Variants in SPAG11B observed in about 807,000 individuals in gnomAD.
The protein encoded by SPAG11B is sperm-associated antigen 11B.
In SPAG11B, 5 loss-of-function variants were observed where a neutral mutation model predicts 8.9. That is an observed-to-expected ratio of 0.56 (90% CI 0.29 to 1.19). SPAG11B has a LOEUF of 1.19. SPAG11B is among the 50% of genes most tolerant of loss of function. SPAG11B has a pLI of 0.08. For synonymous variants in SPAG11B, 12 were observed against 53.0 expected, an observed-to-expected ratio of 0.23 and a Z score of 3.36; for missense variants, 38 against 146.4, an observed-to-expected ratio of 0.26 and a Z score of 3.82.
rs1204314367 is a variant in SPAG11B at position 7,452,827 on chromosome 8, A to G, written c.215-1927T>C. Among the ~76,000 whole-genome samples, 35 of 99,808 alleles carry G rather than the reference A, an allele frequency of 3.5e-4. No homozygotes were observed. In the South Asian group the frequency reaches 0.012, roughly 34 times the overall value. 65.5% of individuals were successfully genotyped at this position (99,808 alleles called of 152,430 possible). A position where few individuals can be genotyped will look rare whatever the true frequency, so the allele number is the denominator to read the frequency against. On this transcript the variant is annotated intron_variant, in intron 2 of 2. Coordinates refer to ENST00000398462, the MANE Select transcript of SPAG11B (RefSeq NM_058201.4). ...ATTGTAGCACATTTCCTTGCAGCCAAGAGAATGCAACCAAATAGTGTATTA... is the reference window on the plus strand; with the variant it reads ...ATTGTAGCACATTTCCTTGCAGCCAGGAGAATGCAACCAAATAGTGTATTA...
chr8:7,458,860 T>C (rs1216132271), intron 2 of SPAG11B, among the ~76,000 whole-genome samples: 14 of 95,456 alleles, frequency 1.5e-4, no homozygotes, highest in African/African-American at 7.6e-4. Context: ...GGAAAGAATA[T>C]GTAAGGTTAG....
chr8:7,452,709 G>A (rs1352677048), intron 2 of SPAG11B, among the ~76,000 whole-genome samples: 120 of 70,036 alleles, frequency 1.7e-3, no homozygotes, highest in Non-Finnish European at 2.6e-3. Flanking sequence ...CCACAGTTGA[G>A]CAGATAATTA....
At chr8:7,459,218 C>CA (rs1183092233) in intron 2 of SPAG11B, among the ~76,000 whole-genome samples, 1 of 1,514 alleles carries the variant, frequency 6.6e-4, no homozygotes, top group African/African-American at 2.8e-3. Context: ...AACTCTGTCT[C>CA]AAAAAAAAAA....
At chr8:7,450,958 A>G in intron 2 of SPAG11B, 58 bp from the exon 3 acceptor site, 3 of 1,538,468 alleles carry the variant, frequency 1.9e-6, no homozygotes, top group Non-Finnish European at 2.6e-6. Context: ...AGAATAGAAG[A>G]TGACCCCAGC....
At chr8:7,457,089 T>A (rs1367418185) in intron 2 of SPAG11B, among the ~76,000 whole-genome samples, 1 of 139,874 alleles carries the variant, frequency 7.1e-6, no homozygotes, top group Non-Finnish European at 1.5e-5. Flanking sequence ...TGTCATATCA[T>A]CTTTTTATAA....
intron 2 of SPAG11B, among the ~76,000 whole-genome samples, chr8:7,458,926 C>T (rs1412354251): frequency 7.0e-5 from 6 of 85,396 alleles, no homozygotes; most frequent in African/African-American, 1.3e-4. Flanking sequence ...TGGCCGGGCG[C>T]GGTGGCTCAC....
chr8:7,458,412 A>G (rs1810574413), intron 2 of SPAG11B, among the ~76,000 whole-genome samples: 1 of 32,638 alleles, frequency 3.1e-5, no homozygotes, highest in African/African-American at 1.5e-4. Flanking sequence ...GTGTAAAACT[A>G]GCAGAAGTGA....
At chr8:7,448,378 G>C (rs1279603301), downstream of SPAG11B, among the ~76,000 whole-genome samples, 1 of 151,806 alleles carries the variant, frequency 6.6e-6, no homozygotes, top group Non-Finnish European at 1.5e-5. Context: ...CGCGTGGTAG[G>C]TGTTGGTATT....
At chr8:7,458,556 T>G (rs1300779311) in intron 2 of SPAG11B, among the ~76,000 whole-genome samples, 2 of 48,782 alleles carry the variant, frequency 4.1e-5, no homozygotes, top group East Asian at 6.9e-4. Flanking sequence ...GTCAGCAAAA[T>G]GAGAATTAGA....
intron 2 of SPAG11B, among the ~76,000 whole-genome samples, chr8:7,454,097 A>G (rs1210089066): frequency 1.7e-5 from 2 of 119,682 alleles, no homozygotes; most frequent in Non-Finnish European, 3.4e-5. Flanking sequence ...AAAAAAAAAA[A>G]AAGAAAGAAA....
In SPAG11B at chr8:7,451,260, G is replaced by A. The variant is rs1406848653; in HGVS notation, c.215-360C>T. The A allele has an allele frequency of 1.7e-5, 22 of 1,259,674 alleles. 3 individuals are homozygous for A. The African/African-American group carries it at 3.8e-4, about 22-fold the overall frequency. The allele number at this position is 1,259,674 out of a possible 1,614,324, so 78.0% of individuals were successfully genotyped here. A position where few individuals can be genotyped will look rare whatever the true frequency, so the allele number is the denominator to read the frequency against. The stretch of plus-strand genomic sequence containing the variant: ...GTGGTCCAGAATAGGACAGGTCTTG[G>A]TCTCTAAGGAAATTAAAGGTATTAA... On this transcript the variant is annotated intron_variant, in intron 2 of 2. Transcript: ENST00000398462.
chr8:7,451,003 A>G (rs1810110144), intron 2 of SPAG11B, 103 bp from the exon 3 acceptor site: 1 of 1,520,112 alleles, frequency 6.6e-7, no homozygotes, highest in South Asian at 1.2e-5. Context: ...GACAAGGCTA[A>G]GTACTTTTGG....
intron 2 of SPAG11B, among the ~76,000 whole-genome samples, chr8:7,451,794 T>A (rs565054842): frequency 3.3e-5 from 5 of 151,914 alleles, no homozygotes; most frequent in African/African-American, 1.2e-4. Flanking sequence ...AGCTTGCCCA[T>A]CTGTAAAATG....
At chr8:7,450,570 A>T (rs1447144423), downstream of SPAG11B, 1 of 1,424,214 alleles carries the variant, frequency 7.0e-7, no homozygotes, top group East Asian at 2.5e-5. Context: ...GAAGTAAGGA[A>T]GTTAAAAAAA....
rs762038763 is a variant in SPAG11B at position 7,450,868 on chromosome 8, A to G, written c.247T>C (p.Cys83Arg). Residue 83 changes from cysteine to arginine, a missense_variant, in exon 3 of 3, where the codon TGC becomes CGC. Transcript: ENST00000398462. ...DVPPGIRNTI[C>R]HMQQGICRLF... Reference sequence around the variant, plus strand: ...CTGCAGATCCCTTGCTGCATATGGCAGATGGTATTTCTAATTCCCGGTGGA... The same window carrying G: ...CTGCAGATCCCTTGCTGCATATGGCGGATGGTATTTCTAATTCCCGGTGGA... The G allele has an allele frequency of 2.2e-5, 34 of 1,551,302 alleles. 1 individual carries two copies. The highest frequency in any genetic ancestry group is 2.8e-5 in the Non-Finnish European group (32 of 1,140,500).
At chr8:7,451,906 GT>G (rs1289761969) in intron 2 of SPAG11B, among the ~76,000 whole-genome samples, 2 of 144,906 alleles carry the variant, frequency 1.4e-5, no homozygotes, top group African/African-American at 2.6e-5. Context: ...CTGGACTTTG[GT>G]TTTCTTTTTG....
At chr8:7,459,464 G>C (rs1375644134) in intron 2 of SPAG11B, among the ~76,000 whole-genome samples, 3 of 147,230 alleles carry the variant, frequency 2.0e-5, no homozygotes, top group Non-Finnish European at 4.5e-5. Flanking sequence ...TGGACTAATT[G>C]AAAGACTACT....
At chr8:7,449,803 G>C (rs1400955537), downstream of SPAG11B, among the ~76,000 whole-genome samples, 2 of 142,928 alleles carry the variant, frequency 1.4e-5, no homozygotes, top group African/African-American at 5.5e-5. Flanking sequence ...CAGGAACACA[G>C]AGCATCTTCC....
downstream of SPAG11B, among the ~76,000 whole-genome samples, chr8:7,448,981 C>T (rs1358859265): frequency 5.8e-5 from 8 of 138,858 alleles, no homozygotes; most frequent in East Asian, 1.4e-3. Flanking sequence ...AGCCCAGGCC[C>T]AGGGTCCACC....
Sources: allele counts gnomAD v4.1 joint callset (sites outside exome capture counted in the v4.1 genomes callset), GRCh38; gene constraint gnomAD v4.1.1; transcripts MANE v1.5; gene names NCBI Gene and HGNC (gene_info 2026-07-23, HGNC 2026-07-21).